Variants in IFI44L observed in about 807,000 individuals in gnomAD.
IFI44L encodes interferon induced protein 44 like, also known as interferon-induced protein 44-like.
A neutral mutation model predicts 39.3 loss-of-function variants in IFI44L; 40 were observed. That is an observed-to-expected ratio of 1.02 (90% CI 0.79 to 1.33). The LOEUF is 1.33. Among genes scored for constraint, IFI44L ranks in the 40% most tolerant of loss-of-function variants. The pLI is 0.00. For synonymous variants in IFI44L, 198 were observed against 182.3 expected (o/e 1.09, Z -0.69); for missense variants, 623 against 549.0 (o/e 1.13, Z -1.35).
intron 1 of IFI44L, among the ~76,000 whole-genome samples, chr1:78,623,396 G>GTTTTTTTTT (rs71078508): frequency 7.3e-4 from 89 of 121,246 alleles, no homozygotes; most frequent in Non-Finnish European, 9.1e-4. Context: ...AGTGTTTTTT[G>GTTTTTTTTT]TTTTTTTTTT....
chr1:78,637,545 CAT>C (rs1408972963), intron 6 of IFI44L, among the ~76,000 whole-genome samples: 1 of 152,066 alleles, frequency 6.6e-6, no homozygotes, highest in South Asian at 2.1e-4. Context: ...CATTTTATCA[CAT>C]GTGTAAGTTT....
chr1:78,634,776 A>G (rs1438433775), intron 4 of IFI44L, among the ~76,000 whole-genome samples: 1 of 152,036 alleles, frequency 6.6e-6, no homozygotes, highest in African/African-American at 2.4e-5. Context: ...ATATGGAAAG[A>G]TGTAAATTGT....
At chr1:78,626,674 T>C (rs189226666) in intron 1 of IFI44L, 2 of 152,200 alleles carry the variant, frequency 1.3e-5, no homozygotes, top group East Asian at 3.9e-4. Context: ...ACCTCTTTTC[T>C]TAAATTTTTT....
intron 1 of IFI44L, among the ~76,000 whole-genome samples, chr1:78,625,276 G>C (rs930451404): frequency 2.0e-5 from 3 of 152,020 alleles, no homozygotes; most frequent in African/African-American, 7.2e-5. Flanking sequence ...TGATCCTTGA[G>C]TTTTCTTGGG....
intron 2 of IFI44L, 41 bp downstream of exon 2, chr1:78,628,434 C>T: frequency 8.7e-7 from 1 of 1,147,486 alleles, no homozygotes; most frequent in African/African-American, 1.6e-5. Flanking sequence ...CATTATGATT[C>T]TAATCCTTGT....
chr1:78,637,027 A>T lies in IFI44L; in HGVS notation c.877-5A>T. The T allele has an allele frequency of 6.2e-7, 1 of 1,601,692 alleles. No homozygotes were observed. Among genetic ancestry groups the T allele is most frequent in the Non-Finnish European group, 8.5e-7 (1 of 1,170,588 alleles). ...TCTGAATGTTACCTTATGTTTTTAT[A>T]ACAGTTTAATTCCCGTAAACCAATT... On this transcript the variant is annotated splice_region_variant and splice_polypyrimidine_tract_variant and intron_variant, in intron 5 of 8. Transcript: ENST00000370751.
rs765587719 is a variant in IFI44L at position 78,635,339 on chromosome 1, T to G, written c.726T>G (p.Tyr242Ter). The G allele has an allele frequency of 1.3e-6, 2 of 1,591,464 alleles. No homozygotes were observed. Among genetic ancestry groups the G allele is most frequent in the Non-Finnish European group, 1.7e-6 (2 of 1,159,940 alleles). ...CACTTAATGTATTTTTTTAACAGTA[T>G]AGGATATATTCTGTTAAAGATGGAA... ...GSDITSITER[Y>*]RIYSVKDGKN... Residue 242 changes from tyrosine to a stop codon, truncating the protein, a stop_gained and splice_region_variant, in exon 5 of 9, where the codon TAT (tyrosine) becomes TAG (stop). Transcript: ENST00000370751. LOFTEE classifies it high-confidence loss of function.
intron 1 of IFI44L, chr1:78,620,888 C>T (rs986247583): frequency 6.6e-6 from 1 of 152,206 alleles, no homozygotes; most frequent in African/African-American, 2.4e-5. Flanking sequence ...ACTTTCCCAA[C>T]CTCTGGTAAC....
intron 3 of IFI44L, among the ~76,000 whole-genome samples, chr1:78,629,473 G>A (rs2100486344): frequency 6.6e-6 from 1 of 152,190 alleles, no homozygotes. Context: ...TTGAAAAATG[G>A]TTTGGTTGCA....
In IFI44L at chr1:78,629,005, T is replaced by C. The variant is rs1652613420; in HGVS notation, c.527+6T>C. 1.9e-6 allele frequency: 3 copies of C among 1,559,750 alleles called. No individual in the cohort carries two copies. Among genetic ancestry groups the C allele is most frequent in the Non-Finnish European group, 2.7e-6 (3 of 1,131,334 alleles). ...AGGATAATTAAAGCCAGAGAGTAAG[T>C]TGGATTCTTGGGCTATCTATTAATC... On this transcript the variant is annotated splice_donor_region_variant and intron_variant, in intron 3 of 8. Coordinates refer to ENST00000370751, the MANE Select transcript of IFI44L (RefSeq NM_006820.4).
intron 6 of IFI44L, 139 bp downstream of exon 6, chr1:78,637,342 A>G (rs781231505): frequency 1.6e-6 from 1 of 618,666 alleles, no homozygotes. Flanking sequence ...GGGAGAGATC[A>G]TTCACAGGCA....
In IFI44L at chr1:78,642,572, A is replaced by G. The variant is rs936936450; in HGVS notation, c.*763A>G. ...AGAAAGAGTGAGATCCTGGCTCAAA[A>G]AAACCAAATAAAACAAAACAAACAA... On this transcript the variant is annotated 3_prime_UTR_variant, in exon 9 of 9. Transcript: ENST00000370751. 2.6e-5 allele frequency: 4 copies of G among 152,028 alleles called. No individual in the cohort carries two copies. The highest frequency in any genetic ancestry group is 9.7e-5 in the African/African-American group (4 of 41,376). The allele number at this position is 152,028 out of a possible 1,614,324, so 9.4% of individuals were successfully genotyped here. A position where few individuals can be genotyped will look rare whatever the true frequency, so the allele number is the denominator to read the frequency against.
intron 4 of IFI44L, 51 bp downstream of exon 4, chr1:78,629,966 G>A: frequency 6.7e-7 from 1 of 1,489,006 alleles, no homozygotes; most frequent in Admixed American, 1.7e-5. Context: ...TTATTATATT[G>A]CTTATGTCTT....
At chr1:78,636,180 G>A (rs1652945125) in intron 5 of IFI44L, among the ~76,000 whole-genome samples, 2 of 151,956 alleles carry the variant, frequency 1.3e-5, no homozygotes, top group African/African-American at 4.8e-5. Flanking sequence ...CCTTACCTAT[G>A]TATTTATTTA....
intron 1 of IFI44L, 105 bp from the exon 2 acceptor site, chr1:78,627,801 A>T: frequency 1.9e-6 from 1 of 535,696 alleles, no homozygotes; most frequent in Non-Finnish European, 2.9e-6. Context: ...AATGTGTTTT[A>T]ATTGAGTCAG....
chr1:78,641,999 A>G lies in IFI44L; in HGVS notation c.*190A>G. 2 of 645,712 alleles carry G rather than the reference A, an allele frequency of 3.1e-6. No individual in the cohort carries two copies. The highest frequency in any genetic ancestry group is 5.6e-6 in the Non-Finnish European group (2 of 357,300). 40.0% of individuals were successfully genotyped at this position (645,712 alleles called of 1,614,324 possible). On this transcript the variant is annotated 3_prime_UTR_variant, in exon 9 of 9. Transcript: ENST00000370751. ...TGGGCTAAGATAGGTCCTACTGCAA[A>G]CCACCCCTCCATATTTCCGTACCAT...
At chr1:78,635,589 G>A in intron 5 of IFI44L, 100 bp downstream of exon 5, 3 of 1,014,800 alleles carry the variant, frequency 3.0e-6, no homozygotes, top group Non-Finnish European at 3.0e-6. Flanking sequence ...CCATAATGTG[G>A]TTTCAACATC....
chr1:78,629,965 T>A, intron 4 of IFI44L, 50 bp downstream of exon 4: 1 of 1,489,306 alleles, frequency 6.7e-7, no homozygotes, highest in Non-Finnish European at 9.3e-7. Context: ...ATTATTATAT[T>A]GCTTATGTCT....
intron 1 of IFI44L, among the ~76,000 whole-genome samples, chr1:78,624,709 G>A (rs1652419184): frequency 6.6e-6 from 1 of 152,076 alleles, no homozygotes; most frequent in Non-Finnish European, 1.5e-5. Context: ...TTGTGTTGCT[G>A]TTTCTCCCTT....
Sources: gnomAD v4.1 joint callset for allele counts (sites outside exome capture counted in the v4.1 genomes callset) on GRCh38, gnomAD v4.1.1 for gene constraint, MANE v1.5 for transcripts, NCBI Gene and HGNC (gene_info 2026-07-23, HGNC 2026-07-21) for gene names.